NR6A1: variants seen among roughly 807,000 people sequenced by gnomAD.
NR6A1 encodes the protein retinoic acid receptor-related testis-associated receptor.
NR6A1 carries 7 observed loss-of-function variants against 59.1 expected under a neutral mutation model. The observed-to-expected ratio is 0.12, with a 90% CI of 0.07 to 0.22. NR6A1 has a LOEUF of 0.22. Among genes scored for constraint, NR6A1 ranks in the 10% least tolerant of loss-of-function variants. NR6A1 has a pLI of 1.00. For missense variants in NR6A1, 468 were observed against 611.6 expected (o/e 0.77, Z 2.48); for synonymous variants, 243 against 236.1 (o/e 1.03, Z -0.27).
intron 2 of NR6A1, among the ~76,000 whole-genome samples, chr9:124,634,629 G>A (rs1331142940): frequency 6.6e-6 from 1 of 152,134 alleles, no homozygotes; most frequent in African/African-American, 2.4e-5. Flanking sequence ...AGACCATTCT[G>A]GCTAACACGG....
intron 2 of NR6A1, among the ~76,000 whole-genome samples, chr9:124,587,775 G>A (rs955457061): frequency 1.3e-5 from 2 of 152,160 alleles, no homozygotes; most frequent in Non-Finnish European, 2.9e-5. Context: ...TCAACAATGC[G>A]AATGAGCACT....
intron 7 of NR6A1, among the ~76,000 whole-genome samples, chr9:124,528,446 G>A (rs904810294): frequency 6.6e-6 from 1 of 152,128 alleles, no homozygotes; most frequent in African/African-American, 2.4e-5. Flanking sequence ...CACACCTGTA[G>A]TCCTAGCACC....
chr9:124,576,086 T>C (rs1025821702), intron 2 of NR6A1, among the ~76,000 whole-genome samples: 1 of 152,178 alleles, frequency 6.6e-6, no homozygotes, highest in Non-Finnish European at 1.5e-5. Flanking sequence ...ATCACAGCAG[T>C]GTCACCTATC....
intron 2 of NR6A1, among the ~76,000 whole-genome samples, chr9:124,570,345 A>C (rs1269185978): frequency 6.6e-6 from 1 of 152,188 alleles, no homozygotes; most frequent in African/African-American, 2.4e-5. Context: ...GGCAAAATAA[A>C]CTTCTAACTT....
At chr9:124,666,272 G>GTTTTTT (rs1588760705) in intron 2 of NR6A1, among the ~76,000 whole-genome samples, 3 of 127,814 alleles carry the variant, frequency 2.3e-5, no homozygotes, top group African/African-American at 7.8e-5. Context: ...CCTCTATGTG[G>GTTTTTT]TTCTTTTTTT....
At chr9:124,731,126 C>T (rs562947679) in intron 2 of NR6A1, among the ~76,000 whole-genome samples, 8 of 152,276 alleles carry the variant, frequency 5.3e-5, no homozygotes, top group African/African-American at 1.7e-4. Context: ...AATCCTAGCA[C>T]TTTGGGAGGC....
intron 2 of NR6A1, among the ~76,000 whole-genome samples, chr9:124,587,953 G>C (rs1443404754): frequency 2.0e-5 from 3 of 152,078 alleles, no homozygotes. Context: ...ATGCAGCCTT[G>C]AACTCCTGGG....
At chr9:124,641,826 A>G (rs1836773740) in intron 2 of NR6A1, among the ~76,000 whole-genome samples, 1 of 152,222 alleles carries the variant, frequency 6.6e-6, no homozygotes. Context: ...TTGTTAACAT[A>G]TTATGCAGCA....
At chr9:124,530,790 C>A (rs992443829) in intron 7 of NR6A1, among the ~76,000 whole-genome samples, 5 of 152,126 alleles carry the variant, frequency 3.3e-5, no homozygotes, top group African/African-American at 1.2e-4. Flanking sequence ...AGGACAAATT[C>A]CAGAAAGTCA....
chr9:124,711,525 G>A (rs1347462201), intron 2 of NR6A1, among the ~76,000 whole-genome samples: 1 of 151,702 alleles, frequency 6.6e-6, no homozygotes, highest in Non-Finnish European at 1.5e-5. Flanking sequence ...AAATGGCGAG[G>A]AGCCATTAAT....
chr9:124,557,414 T>C (rs1345770122), intron 2 of NR6A1, among the ~76,000 whole-genome samples: 1 of 152,100 alleles, frequency 6.6e-6, no homozygotes, highest in Non-Finnish European at 1.5e-5. Flanking sequence ...ATGACAGGAG[T>C]GGGCCACCGC....
At chr9:124,538,753 G>A (rs1588648546) in intron 5 of NR6A1, among the ~76,000 whole-genome samples, 2 of 152,016 alleles carry the variant, frequency 1.3e-5, no homozygotes, top group Admixed American at 6.6e-5. Flanking sequence ...CAAGGAACCC[G>A]GCATGTGGCA....
intron 3 of NR6A1, among the ~76,000 whole-genome samples, chr9:124,547,680 T>C (rs1392318728): frequency 3.3e-5 from 5 of 152,212 alleles, no homozygotes; most frequent in African/African-American, 1.2e-4. Flanking sequence ...TATGGCATTC[T>C]TGCGAAAAAT....
intron 1 of NR6A1, among the ~76,000 whole-genome samples, chr9:124,747,499 C>A (rs1248310832): frequency 1.3e-5 from 2 of 152,172 alleles, no homozygotes; most frequent in African/African-American, 4.8e-5. Flanking sequence ...CCCTCTCCCC[C>A]AAACTTTCAA....
At chr9:124,711,966 C>T (rs1839292408) in intron 2 of NR6A1, among the ~76,000 whole-genome samples, 1 of 152,158 alleles carries the variant, frequency 6.6e-6, no homozygotes, top group Non-Finnish European at 1.5e-5. Context: ...TATACAACTC[C>T]CTTCTCCAAG....
intron 2 of NR6A1, among the ~76,000 whole-genome samples, chr9:124,596,523 A>G (rs891064478): frequency 2.0e-5 from 3 of 152,228 alleles, no homozygotes; most frequent in African/African-American, 4.8e-5. Context: ...GTTTGGAGAA[A>G]GGAAACTAGG....
intron 2 of NR6A1, among the ~76,000 whole-genome samples, chr9:124,605,872 C>T (rs1282206048): frequency 6.6e-6 from 1 of 152,176 alleles, no homozygotes; most frequent in Admixed American, 6.5e-5. Flanking sequence ...TCTGTCATCA[C>T]TCTCACAGTC....
chr9:124,525,833 C>T (rs532571866), intron 8 of NR6A1, among the ~76,000 whole-genome samples: 1 of 152,264 alleles, frequency 6.6e-6, no homozygotes, highest in Non-Finnish European at 1.5e-5. Flanking sequence ...ACTGTTCTCC[C>T]CCAATCTGAG....
intron 2 of NR6A1, among the ~76,000 whole-genome samples, chr9:124,604,758 GAGC>G (rs1457075366): frequency 2.6e-5 from 4 of 151,980 alleles, no homozygotes; most frequent in Non-Finnish European, 5.9e-5. Flanking sequence ...AGGTTGCAGT[GAGC>G]AGAGATCGTG....
Sources: gnomAD v4.1 joint callset for allele counts (sites outside exome capture counted in the v4.1 genomes callset) on GRCh38, gnomAD v4.1.1 for gene constraint, MANE v1.5 for transcripts, NCBI Gene and HGNC (gene_info 2026-07-23, HGNC 2026-07-21) for gene names.